Variants in PDZRN4 observed in about 807,000 individuals in gnomAD.
PDZRN4 encodes the protein PDZ domain containing ring finger 4, also known as PDZ domain-containing RING finger protein 4.
Under a neutral mutation model 99.0 loss-of-function variants are expected in PDZRN4, and 70 were observed. That is an observed-to-expected ratio of 0.71 (90% CI 0.58 to 0.86). PDZRN4 has a LOEUF of 0.86. Ranked by LOEUF, PDZRN4 falls within the 40% of genes least tolerant of loss-of-function variation. PDZRN4 has a pLI of 0.00. For synonymous variants in PDZRN4, 551 were observed against 501.6 expected (o/e 1.10, Z -1.32); for missense variants, 1,474 against 1,331.2 (o/e 1.11, Z -1.67).
At chr12:41,452,005 CACTT>C (rs1952778621) in intron 3 of PDZRN4, among the ~76,000 whole-genome samples, 1 of 152,016 alleles carries the variant, frequency 6.6e-6, no homozygotes, top group Admixed American at 6.5e-5. Flanking sequence ...GAGGGAAAAG[CACTT>C]ACTAATTTGA....
chr12:41,476,294 TG>T (rs1303442181), intron 3 of PDZRN4, among the ~76,000 whole-genome samples: 1 of 152,204 alleles, frequency 6.6e-6, no homozygotes, highest in Admixed American at 6.5e-5. Flanking sequence ...CTCATTTCCA[TG>T]CTATGTATGC....
In PDZRN4 at chr12:41,288,057, T is replaced by C. The variant is rs538383155; in HGVS notation, c.843+93869T>C. Among the ~76,000 whole-genome samples, 22 of 152,326 alleles carry C rather than the reference T, an allele frequency of 1.4e-4. No individual in the cohort carries two copies. The South Asian group carries it at 4.3e-3, about 30-fold the overall frequency. On this transcript the variant is annotated intron_variant, in intron 3 of 9. Transcript: ENST00000402685. ...CGCCTGCTGCAACGTGATGTATTGA[T>C]GTGTATACAACAATATGTTACAAAT... is the stretch of plus-strand genomic sequence containing the variant.
At chr12:41,190,615 C>T (rs1347150937) in intron 1 of PDZRN4, among the ~76,000 whole-genome samples, 1 of 152,166 alleles carries the variant, frequency 6.6e-6, no homozygotes, top group East Asian at 1.9e-4. Flanking sequence ...GGCTGCTCTG[C>T]GCATTGCCTG....
At chr12:41,392,041 T>C (rs7960955) in intron 3 of PDZRN4, among the ~76,000 whole-genome samples, 79,951 of 151,996 alleles carry the variant, frequency 0.53, 21,811 homozygotes, top group African/African-American at 0.7. Flanking sequence ...AGAAACTTGT[T>C]TTTTGTAGTT....
At chr12:41,560,132 C>T (rs996815785) in intron 7 of PDZRN4, among the ~76,000 whole-genome samples, 12 of 151,914 alleles carry the variant, frequency 7.9e-5, no homozygotes, top group African/African-American at 2.4e-4. Flanking sequence ...CTGTTTTTTC[C>T]GCATCTATGT....
intron 3 of PDZRN4, among the ~76,000 whole-genome samples, chr12:41,339,734 CT>C (rs2121011784): frequency 6.6e-6 from 1 of 152,046 alleles, no homozygotes; most frequent in Admixed American, 6.6e-5. Context: ...AGAAAAATAT[CT>C]AATAATCCAA....
At chr12:41,238,723 AAAAT>A (rs1951084097) in intron 3 of PDZRN4, among the ~76,000 whole-genome samples, 2 of 151,142 alleles carry the variant, frequency 1.3e-5, no homozygotes, top group Admixed American at 6.6e-5. Context: ...AATAAAAAAT[AAAAT>A]AAAAAACCTC....
At chr12:41,512,758 C>T (rs555601618) in intron 5 of PDZRN4, among the ~76,000 whole-genome samples, 9 of 152,112 alleles carry the variant, frequency 5.9e-5, no homozygotes, top group Admixed American at 2.0e-4. Flanking sequence ...GCGGTGATAG[C>T]GGGTGGAGTA....
At chr12:41,288,132 A>C (rs1228755192) in intron 3 of PDZRN4, among the ~76,000 whole-genome samples, 1 of 152,194 alleles carries the variant, frequency 6.6e-6, no homozygotes, top group East Asian at 1.9e-4. Flanking sequence ...ATGATGGCAC[A>C]AAAAAGGCAG....
chr12:41,394,751 A>G (rs1952233990), intron 3 of PDZRN4, among the ~76,000 whole-genome samples: 1 of 151,944 alleles, frequency 6.6e-6, no homozygotes, highest in African/African-American at 2.4e-5. Context: ...TACTCATAAC[A>G]TGGAAGCTGG....
chr12:41,477,957 C>T (rs1332734017), intron 3 of PDZRN4: 16 of 1,308,000 alleles, frequency 1.2e-5, no homozygotes, highest in Non-Finnish European at 1.5e-5. Context: ...TCATATTATT[C>T]TCTTGCTTAT....
intron 3 of PDZRN4, among the ~76,000 whole-genome samples, chr12:41,474,200 T>C (rs1273425568): frequency 6.6e-6 from 1 of 152,214 alleles, no homozygotes; most frequent in Admixed American, 6.5e-5. Flanking sequence ...AGCCACCACA[T>C]ACTGAGTATG....
intron 7 of PDZRN4, among the ~76,000 whole-genome samples, chr12:41,559,458 CAAGAGT>C (rs1939227457): frequency 6.6e-6 from 1 of 152,042 alleles, no homozygotes; most frequent in African/African-American, 2.4e-5. Context: ...AATCAGATAA[CAAGAGT>C]AAAAGACCAC....
chr12:41,444,115 G>A (rs1432707615), intron 3 of PDZRN4, among the ~76,000 whole-genome samples: 1 of 152,066 alleles, frequency 6.6e-6, no homozygotes, highest in Admixed American at 6.6e-5. Context: ...GCATTAGAGT[G>A]TGTAATAAGA....
chr12:41,271,370 T>G (rs1463957207), intron 3 of PDZRN4, among the ~76,000 whole-genome samples: 2 of 152,098 alleles, frequency 1.3e-5, no homozygotes, highest in African/African-American at 2.4e-5. Context: ...AAATCACAAC[T>G]GCAGGTACCA....
intron 3 of PDZRN4, among the ~76,000 whole-genome samples, chr12:41,259,058 T>C (rs1951220858): frequency 6.6e-6 from 1 of 152,138 alleles, no homozygotes; most frequent in Non-Finnish European, 1.5e-5. Flanking sequence ...GAAATTAACC[T>C]GCATTTAAAT....
intron 3 of PDZRN4, among the ~76,000 whole-genome samples, chr12:41,194,916 G>T (rs916574234): frequency 1.3e-5 from 2 of 152,040 alleles, no homozygotes; most frequent in African/African-American, 4.8e-5. Flanking sequence ...TATATGTAGA[G>T]TTTGGAATAA....
At chr12:41,374,956 T>C (rs1321425486) in intron 3 of PDZRN4, among the ~76,000 whole-genome samples, 1 of 152,224 alleles carries the variant, frequency 6.6e-6, no homozygotes, top group African/African-American at 2.4e-5. Context: ...TGTTTTCATT[T>C]TGTGCTCTCT....
intron 3 of PDZRN4, chr12:41,460,024 T>C (rs1423320031): frequency 3.1e-6 from 4 of 1,288,468 alleles, no homozygotes; most frequent in Non-Finnish European, 3.0e-6. Flanking sequence ...ATGGAGAGTA[T>C]GTGTGGGATC....
Sources: allele counts gnomAD v4.1 joint callset (sites outside exome capture counted in the v4.1 genomes callset), GRCh38; gene constraint gnomAD v4.1.1; transcripts MANE v1.5; gene names NCBI Gene and HGNC (gene_info 2026-07-23, HGNC 2026-07-21).